Variants in ADGRV1 observed in about 807,000 individuals in gnomAD.
The protein encoded by ADGRV1 is G-protein coupled receptor 98.
ADGRV1 carries 359 observed loss-of-function variants against 596.2 expected under a neutral mutation model. That is an observed-to-expected ratio of 0.60 (90% CI 0.55 to 0.66). ADGRV1 has a LOEUF of 0.66. Among genes scored for constraint, ADGRV1 ranks in the 30% least tolerant of loss-of-function variants. The pLI is 0.00. For missense variants in ADGRV1, 7,274 were observed against 7,575.6 expected, an observed-to-expected ratio of 0.96 and a Z score of 1.48; for synonymous variants, 2,681 against 2,679.2, an observed-to-expected ratio of 1.00 and a Z score of -0.02.
intron 87 of ADGRV1, among the ~76,000 whole-genome samples, chr5:91,130,815 C>T (rs1322686593): frequency 2.0e-5 from 3 of 152,156 alleles, no homozygotes; most frequent in African/African-American, 2.4e-5. Context: ...TGTTTATCCC[C>T]ATCCTTGTGT....
At chr5:90,662,187 CTTTTT>C (rs5869513) in intron 21 of ADGRV1, among the ~76,000 whole-genome samples, 1 of 130,868 alleles carries the variant, frequency 7.6e-6, no homozygotes, top group African/African-American at 2.9e-5. Context: ...GGTTAAACAA[CTTTTT>C]TTTTTTTTTT....
chr5:90,764,760 A>C (rs1756908437), intron 59 of ADGRV1, among the ~76,000 whole-genome samples: 1 of 152,196 alleles, frequency 6.6e-6, no homozygotes, highest in Non-Finnish European at 1.5e-5. Flanking sequence ...CTGGTGGTAC[A>C]GTGACTCTAG....
intron 1 of ADGRV1, among the ~76,000 whole-genome samples, chr5:90,599,393 A>G (rs1761119997): frequency 6.6e-6 from 1 of 152,204 alleles, no homozygotes; most frequent in South Asian, 2.1e-4. Context: ...TGGAATTTTT[A>G]AATGTTCTGA....
rs56360530 is a variant in ADGRV1, at chr5:90,629,593, C to T, written c.1839+54C>T. The T allele has an allele frequency of 0.17, 200,115 of 1,195,994 alleles. 18,697 individuals carry two copies. The highest frequency in any genetic ancestry group is 0.39 in the East Asian group (16,490 of 42,686). 74.1% of individuals were successfully genotyped at this position (1,195,994 alleles called of 1,614,324 possible). A position where few individuals can be genotyped will look rare whatever the true frequency, so the allele number is the denominator to read the frequency against. ...TTTGGTTAACCTTCAAGTGTACTAA[C>T]CTGTGTGAAAGAATTAACTGAACAT... On this transcript the variant is annotated intron_variant, in intron 9 of 89. Coordinates refer to ENST00000405460, the MANE Select transcript of ADGRV1 (RefSeq NM_032119.4).
intron 85 of ADGRV1, chr5:91,031,419 CCATGGCCAGCATTAAA>C: frequency 1.2e-6 from 1 of 841,376 alleles, no homozygotes; most frequent in African/African-American, 1.7e-5. Context: ...CTTCCTGTTC[CCATGGCCAGCATTAAA>C]GAGTCACTCA....
chr5:90,885,232 T>C (rs1770167051), intron 83 of ADGRV1, among the ~76,000 whole-genome samples: 1 of 152,200 alleles, frequency 6.6e-6, no homozygotes, highest in African/African-American at 2.4e-5. Context: ...CAAGATGTTT[T>C]TCTGCTACCA....
intron 85 of ADGRV1, among the ~76,000 whole-genome samples, chr5:91,008,597 A>T (rs1213130771): frequency 6.6e-6 from 1 of 151,996 alleles, no homozygotes; most frequent in African/African-American, 2.4e-5. Flanking sequence ...TCCACCTCCC[A>T]GGTTCAAGTG....
At chr5:90,727,273 G>C (rs545454840) in intron 48 of ADGRV1, among the ~76,000 whole-genome samples, 1 of 152,236 alleles carries the variant, frequency 6.6e-6, no homozygotes, top group Middle Eastern at 3.4e-3. Flanking sequence ...ATTTTGTAGA[G>C]ATGGGATTTC....
chr5:90,828,976 A>C lies in ADGRV1; in HGVS notation c.16401A>C (p.Glu5467Asp). 2 of 1,591,724 alleles carry C rather than the reference A, an allele frequency of 1.3e-6. No individual in the cohort carries two copies. Among genetic ancestry groups the C allele is most frequent in the Non-Finnish European group, 1.7e-6 (2 of 1,166,732 alleles). ...VPQVEVYFFV[E>D]LYEATAGAAI... The stretch of plus-strand genomic sequence containing the variant: ...AGGTTGAAGTGTATTTTTTTGTGGA[A>C]CTATATGAAGCTACTGCTGGAGCAG... The change falls in exon 77 of 90, where the codon GAA becomes GAC. Residue 5467 changes from glutamate (E) to aspartate (D), a missense_variant. Physicochemically the swap from Glu to Asp is conservative, Grantham distance 45 (BLOSUM62 2). This residue lies in a region of ADGRV1 where 1,874 missense variants were observed against 1,970.2 expected (regional missense o/e 0.95). Transcript: ENST00000405460.
chr5:90,635,898 A>G (rs1462243680), intron 10 of ADGRV1, among the ~76,000 whole-genome samples: 2 of 144,986 alleles, frequency 1.4e-5, no homozygotes, highest in African/African-American at 2.6e-5. Flanking sequence ...CCTGGCCTAT[A>G]AACCTTTTTT....
At chr5:91,080,887 A>T (rs939798244) in intron 86 of ADGRV1, among the ~76,000 whole-genome samples, 1 of 152,174 alleles carries the variant, frequency 6.6e-6, no homozygotes, top group African/African-American at 2.4e-5. Context: ...TCAATATGTA[A>T]TTGGTACAGA....
rs58142303 is a variant in ADGRV1 at position 90,981,864 on chromosome 5, G to A, written c.17974-3480G>A. 2.6e-3 allele frequency among the ~76,000 whole-genome samples: 394 copies of A among 152,300 alleles called. 20 individuals are homozygous for A. The East Asian group carries it at 0.066, about 25-fold the overall frequency. On this transcript the variant is annotated intron_variant, in intron 84 of 89. Transcript: ENST00000405460. ...GTGATTGTTTTTGACATGCCTAGTGGTAGAAGGTGCTCCTGACAATTTTCA... is the reference window on the plus strand; with the variant it reads ...GTGATTGTTTTTGACATGCCTAGTGATAGAAGGTGCTCCTGACAATTTTCA...
At chr5:90,992,755 A>T (rs1006964405) in intron 85 of ADGRV1, among the ~76,000 whole-genome samples, 1 of 152,164 alleles carries the variant, frequency 6.6e-6, no homozygotes, top group Non-Finnish European at 1.5e-5. Context: ...TATTTCTCCC[A>T]GTTCTTTTTT....
intron 70 of ADGRV1, chr5:90,791,644 CAT>C (rs1401386315): frequency 3.1e-6 from 1 of 322,148 alleles, no homozygotes; most frequent in African/African-American, 2.1e-5. Flanking sequence ...CACCCATGGA[CAT>C]GTGTATGCAC....
In ADGRV1 at chr5:90,683,751, G is replaced by T. The variant is rs41302834; in HGVS notation, c.5830G>T (p.Asp1944Tyr). 2.8e-5 allele frequency: 45 copies of T among 1,613,818 alleles called. No individual in the cohort carries two copies. The African/African-American group carries it at 5.2e-4, about 19-fold the overall frequency. The change falls in exon 28 of 90, where the codon GAT (aspartate) becomes TAT (tyrosine). Residue 1944 changes from aspartate to tyrosine, a missense_variant. Transcript: ENST00000405460. ...ATTGCCTGACGAAGACCCAGAACTG[G>T]ATAAGGCATTCTCTGTGTCAGTCCT... ...EILPDEDPELDKAFSVSVLSV... is the reference protein window; with the variant it reads ...EILPDEDPELYKAFSVSVLSV...
chr5:90,937,520 T>G (rs537546425), intron 83 of ADGRV1, among the ~76,000 whole-genome samples: 28 of 149,292 alleles, frequency 1.9e-4, no homozygotes, highest in Admixed American at 8.8e-4. Context: ...TGCAGTGGCG[T>G]GATCGCGGCT....
intron 75 of ADGRV1, among the ~76,000 whole-genome samples, chr5:90,821,549 A>C (rs1266130325): frequency 6.6e-6 from 1 of 150,666 alleles, no homozygotes; most frequent in African/African-American, 2.4e-5. Flanking sequence ...TTGTGGTTTT[A>C]TCTACTTTTG....
At chr5:90,594,941 C>G (rs1439751229) in intron 1 of ADGRV1, among the ~76,000 whole-genome samples, 11 of 148,986 alleles carry the variant, frequency 7.4e-5, no homozygotes, top group East Asian at 2.0e-4. Context: ...ACCTTTCCCC[C>G]CTTTCTATTC....
At chr5:90,915,423 C>T (rs1489839371) in intron 83 of ADGRV1, among the ~76,000 whole-genome samples, 5 of 152,100 alleles carry the variant, frequency 3.3e-5, no homozygotes, top group Admixed American at 6.5e-5. Flanking sequence ...TTTAGTATTA[C>T]TTATTAATCT....
Sources: gnomAD v4.1 joint callset for allele counts (sites outside exome capture counted in the v4.1 genomes callset) on GRCh38, gnomAD v4.1.1 for gene constraint, gnomAD v4.1.1 regional missense constraint, MANE v1.5 for transcripts, NCBI Gene and HGNC (gene_info 2026-07-23, HGNC 2026-07-21) for gene names.